Variants in TMTC4 observed in about 807,000 individuals in gnomAD.
TMTC4 encodes transmembrane O-mannosyltransferase targeting cadherins 4.
In TMTC4, 65 loss-of-function variants were observed where a neutral mutation model predicts 86.0. The observed-to-expected ratio is 0.76, with a 90% confidence interval of 0.62 to 0.93. The LOEUF is 0.93. Ranked by LOEUF, TMTC4 falls within the 40% of genes least tolerant of loss-of-function variation. TMTC4 has a pLI of 0.00. For synonymous variants in TMTC4, 379 were observed against 382.5 expected (o/e 0.99, Z 0.11); for missense variants, 866 against 948.1 (o/e 0.91, Z 1.14).
chr13:100,667,447 A>C (rs768456886), intron 3 of TMTC4, among the ~76,000 whole-genome samples: 4 of 152,178 alleles, frequency 2.6e-5, no homozygotes, highest in Admixed American at 1.3e-4. Flanking sequence ...AACAACAACG[A>C]AAACCCATTA....
In TMTC4 at chr13:100,669,500, T is replaced by C. The variant is rs1347587558; in HGVS notation, c.4-706A>G. Among the ~76,000 whole-genome samples the C allele has an allele frequency of 3.3e-5, 5 of 152,222 alleles. No individual in the cohort carries two copies. In the East Asian group the frequency reaches 9.6e-4, roughly 29 times the overall value. ...AGGGAGGCTATTCTGTGTGAGGATA[T>C]GACCTTCAATCCTGGTGAAAGAGTC... On this transcript the variant is annotated intron_variant, in intron 2 of 18. Transcript: ENST00000342624.
chr13:100,625,769 TA>T lies in TMTC4; in HGVS notation c.1694+15del. ...CCTTTCTTTGTCACTAGCATAATTATAAAAACAATGCTTACTGTATTTGAAC... is the reference window on the plus strand; with the variant it reads ...CCTTTCTTTGTCACTAGCATAATTATAAAACAATGCTTACTGTATTTGAAC... On this transcript the variant is annotated intron_variant, in intron 14 of 18. Coordinates refer to ENST00000342624, the MANE Select transcript of TMTC4 (RefSeq NM_032813.5). 1 of 1,610,916 alleles carries T rather than the reference TA, an allele frequency of 6.2e-7. No individual in the cohort carries two copies. Among genetic ancestry groups the T allele is most frequent in the Non-Finnish European group, 8.5e-7 (1 of 1,179,284 alleles).
At chr13:100,623,822 CT>C in intron 15 of TMTC4, 1 of 441,260 alleles carries the variant, frequency 2.3e-6, no homozygotes, top group African/African-American at 2.0e-5. Flanking sequence ...TGGGTCTTGC[CT>C]TTGTGCGGCC....
At chr13:100,653,745 G>A (rs1293417376) in intron 6 of TMTC4, among the ~76,000 whole-genome samples, 1 of 152,126 alleles carries the variant, frequency 6.6e-6, no homozygotes, top group African/African-American at 2.4e-5. Flanking sequence ...CTCGAGGATG[G>A]GTGTTTTAAA....
intron 12 of TMTC4, among the ~76,000 whole-genome samples, chr13:100,626,944 G>T (rs1225478951): frequency 1.3e-5 from 2 of 152,162 alleles, no homozygotes; most frequent in South Asian, 4.1e-4. Context: ...CCCATGAATG[G>T]ATCAGTGCCT....
intron 3 of TMTC4, 182 bp downstream of exon 3, chr13:100,668,397 G>T: frequency 1.6e-6 from 1 of 636,356 alleles, no homozygotes; most frequent in Non-Finnish European, 2.7e-6. Context: ...CTTGGTGCCA[G>T]CAATAAGAAA....
chr13:100,661,683 AAAG>A (rs1885793115), intron 5 of TMTC4, among the ~76,000 whole-genome samples: 1 of 152,238 alleles, frequency 6.6e-6, no homozygotes, highest in Non-Finnish European at 1.5e-5. Flanking sequence ...GGTAAAAAAC[AAAG>A]ATTTAAAAAG....
chr13:100,612,640 TGTA>T (rs1297102884), intron 16 of TMTC4, 130 bp from the exon 17 acceptor site: 9 of 631,252 alleles, frequency 1.4e-5, no homozygotes, highest in East Asian at 2.9e-5. Flanking sequence ...AGAAAATCTG[TGTA>T]GATCATGTAA....
At chr13:100,651,667 T>A (rs1884462735) in intron 6 of TMTC4, among the ~76,000 whole-genome samples, 1 of 152,132 alleles carries the variant, frequency 6.6e-6, no homozygotes, top group South Asian at 2.1e-4. Flanking sequence ...AAAAAGTTAA[T>A]GATGTTACCA....
At chr13:100,621,986 C>G (rs1378047104) in intron 15 of TMTC4, among the ~76,000 whole-genome samples, 2 of 152,122 alleles carry the variant, frequency 1.3e-5, no homozygotes, top group African/African-American at 2.4e-5. Context: ...GGTTTCACAG[C>G]CTCCCCTTCC....
chr13:100,625,287 A>G (rs923807464), intron 15 of TMTC4: 22 of 510,656 alleles, frequency 4.3e-5, no homozygotes, highest in Admixed American at 1.3e-4. Flanking sequence ...ATGTTAATTT[A>G]TTCCTGGGTT....
intron 12 of TMTC4, among the ~76,000 whole-genome samples, chr13:100,627,352 C>A (rs894160710): frequency 1.3e-5 from 2 of 152,156 alleles, no homozygotes; most frequent in Admixed American, 6.5e-5. Context: ...AATAAAGCAC[C>A]ACAAACTGAG....
chr13:100,665,112 TA>T (rs1007404441), intron 3 of TMTC4, among the ~76,000 whole-genome samples: 1 of 151,942 alleles, frequency 6.6e-6, no homozygotes, highest in Non-Finnish European at 1.5e-5. Flanking sequence ...CACTAAATAT[TA>T]AAAAAAACAC....
At chr13:100,639,419 G>A (rs934897646) in intron 7 of TMTC4, among the ~76,000 whole-genome samples, 4 of 152,344 alleles carry the variant, frequency 2.6e-5, no homozygotes, top group Admixed American at 6.5e-5. Context: ...TGCTCCCTGC[G>A]TAGCAGCCAT....
Position 100,638,429 on chromosome 13 carries a change from G to A in TMTC4, c.742-407C>T, listed in dbSNP as rs78375153. On this transcript the variant is annotated intron_variant, in intron 7 of 18. Transcript: ENST00000342624. ...GTAATCATACTGGAAGATAAAGGCA[G>A]CCATCAACCTCAAAAACCCAGCCAT... is the stretch of plus-strand genomic sequence containing the variant. The A allele has an allele frequency of 1.3e-3, 206 of 156,156 alleles. 4 individuals carry two copies. In the South Asian group the frequency reaches 0.015, roughly 11 times the overall value. 9.7% of individuals were successfully genotyped at this position (156,156 alleles called of 1,614,324 possible). A position where few individuals can be genotyped will look rare whatever the true frequency, so the allele number is the denominator to read the frequency against.
intron 5 of TMTC4, 73 bp from the exon 6 acceptor site, chr13:100,656,541 A>ATTTTTTTTT: frequency 2.2e-6 from 1 of 462,942 alleles, no homozygotes; most frequent in South Asian, 3.4e-5. Context: ...AGGAGACATA[A>ATTTTTTTTT]CTTTTTTTTT....
rs150292581 is a variant in TMTC4, at chr13:100,616,788, CAT to C, written c.1837-2360_1837-2359del. 3.9e-3 allele frequency among the ~76,000 whole-genome samples: 594 copies of C among 152,228 alleles called. 4 individuals carry two copies. Among genetic ancestry groups the C allele is most frequent in the African/African-American group, 0.014 (562 of 41,534 alleles). On this transcript the variant is annotated intron_variant, in intron 15 of 18. Transcript: ENST00000342624. ...TGATTAGTGATGATGAGCATTTTCT[CAT>C]ATGTTTGTTAGCTGCTTGTATGTCT... is the stretch of plus-strand genomic sequence containing the variant.
Position 100,612,424 on chromosome 13 carries a change from C to T in TMTC4, c.2038G>A (p.Val680Met), listed in dbSNP as rs150667259. ...TTGTATTTCTGGGATTTCCCCAGCA[C>T]GTTTGCCAACGAGAACATGAGAGAG... ...DHSLMFSLAN[V>M]LGKSQKYKES... is the part of the protein sequence containing the mutation. Residue 680 changes from valine to methionine, a missense_variant, in exon 17 of 19, where the codon GTG (valine) becomes ATG (methionine). Val to Met is a conservative substitution (Grantham distance 21). Transcript: ENST00000342624. 5 of 1,609,846 alleles carry T rather than the reference C, an allele frequency of 3.1e-6. No homozygotes were observed. Among genetic ancestry groups the T allele is most frequent in the Non-Finnish European group, 3.4e-6 (4 of 1,178,678 alleles).
intron 2 of TMTC4, among the ~76,000 whole-genome samples, chr13:100,669,121 A>G (rs1189931427): frequency 6.6e-6 from 1 of 152,232 alleles, no homozygotes; most frequent in Non-Finnish European, 1.5e-5. Context: ...GAACCAGTTT[A>G]CAAAGCTTAA....
Sources: gnomAD v4.1 joint callset for allele counts (sites outside exome capture counted in the v4.1 genomes callset) on GRCh38, gnomAD v4.1.1 for gene constraint, MANE v1.5 for transcripts, NCBI Gene and HGNC (gene_info 2026-07-23, HGNC 2026-07-21) for gene names.